The following CACNA1F variants were observed in gnomAD, a reference collection of about 807,000 sequenced individuals.
CACNA1F encodes voltage-dependent L-type calcium channel subunit alpha-1F.
Under a neutral mutation model 143.8 loss-of-function variants are expected in CACNA1F, and 59 were observed. The observed-to-expected ratio is 0.41, with a 90% CI of 0.33 to 0.51. CACNA1F has a LOEUF of 0.51. CACNA1F is among the 20% of genes least tolerant of loss of function. The pLI, the probability that CACNA1F is intolerant of heterozygous loss-of-function variation, is 0.22. For missense variants in CACNA1F, 1,411 were observed against 1,647.5 expected (o/e 0.86, Z 2.48); for synonymous variants, 643 against 649.1 (o/e 0.99, Z 0.14).
At chrX:49,210,101 C>A in intron 39 of CACNA1F, 59 bp from the exon 40 acceptor site, 1 of 879,866 alleles carries the variant, frequency 1.1e-6, no homozygotes, top group Non-Finnish European at 1.7e-6. Context: ...CAGCTGCCCC[C>A]TCACTGTTGG....
intron 1 of CACNA1F, among the ~76,000 whole-genome samples, chrX:49,232,738 T>C (rs1557111600): frequency 9.0e-6 from 1 of 110,830 alleles, no homozygotes; most frequent in Non-Finnish European, 1.9e-5. Context: ...GAATGGGGAG[T>C]CACACTCAGT....
chrX:49,220,964 A>G, intron 18 of CACNA1F, 71 bp downstream of exon 18: 1 of 887,880 alleles, frequency 1.1e-6, no homozygotes, highest in South Asian at 2.0e-5. Context: ...CAACAAAAAA[A>G]CAGATATGCA....
chrX:49,213,944 C>T lies in CACNA1F; in HGVS notation c.3709-42G>A, dbSNP rs191769906. On this transcript the variant is annotated intron_variant, in intron 30 of 47. Coordinates refer to ENST00000323022, the MANE Select transcript of CACNA1F (RefSeq NM_001256789.3). The stretch of plus-strand genomic sequence containing the variant: ...AGCAGTGCCCTGTCTTCTCAAAGCT[C>T]GCAAGCCAGGGTAGGGGGCCAGTAG... 21 of 1,023,141 alleles carry T rather than the reference C, an allele frequency of 2.1e-5. No individual in the cohort carries two copies. The Admixed American group carries it at 2.6e-4, about 13-fold the overall frequency. The allele number at this position is 1,023,141 out of a possible 1,213,427, so 84.3% of individuals were successfully genotyped here. A position where few individuals can be genotyped will look rare whatever the true frequency, so the allele number is the denominator to read the frequency against.
Position 49,226,032 on chromosome X carries a change from G to A in CACNA1F, c.1528C>T (p.Arg510Cys), listed in dbSNP as rs139331137. ...LRRANRVLRA[R>C]CRRAVKSNAC... Reference sequence around the variant, plus strand: ...TTGGACTTCACTGCCCGACGGCAGCGTGCCCGAAGGACCCGGTTGGCTCGG... The same window carrying A: ...TTGGACTTCACTGCCCGACGGCAGCATGCCCGAAGGACCCGGTTGGCTCGG... The change falls in exon 13 of 48, where the codon CGC becomes TGC. Residue 510 changes from arginine to cysteine, a missense_variant. By Grantham distance (180) the Arg-to-Cys change is radical. Around this residue, in one of 3 missense-constraint regions of CACNA1F, gnomAD observed 950 missense variants for 1,128.1 expected, o/e 0.84. Coordinates refer to ENST00000323022, the MANE Select transcript of CACNA1F (RefSeq NM_001256789.3). The A allele has an allele frequency of 1.5e-4, 174 of 1,188,081 alleles. 1 individual carries two copies. In the South Asian group the frequency reaches 2.6e-3, roughly 18 times the overall value.
chrX:49,225,725 C>T (rs1395874515), intron 13 of CACNA1F, among the ~76,000 whole-genome samples, 184 bp downstream of exon 13: 1 of 111,609 alleles, frequency 9.0e-6, no homozygotes, highest in Non-Finnish European at 1.9e-5. Flanking sequence ...GCTTGAGGCA[C>T]ACAGCAAGTG....
intron 33 of CACNA1F, 115 bp from the exon 34 acceptor site, chrX:49,212,423 C>A (rs782783891): frequency 3.1e-6 from 2 of 655,385 alleles, no homozygotes; most frequent in African/African-American, 2.2e-5. Flanking sequence ...TGCAGTCCAT[C>A]TCCAAAGTGC....
At chrX:49,228,217 A>T (rs1557110456) in intron 7 of CACNA1F, 34 bp downstream of exon 7, 1 of 1,190,749 alleles carries the variant, frequency 8.4e-7, no homozygotes, top group Non-Finnish European at 1.1e-6. Context: ...AGGCAGGTGC[A>T]GCCTTTGAGC....
chrX:49,213,640 G>C (rs1557106734), intron 31 of CACNA1F, among the ~76,000 whole-genome samples, 179 bp downstream of exon 31: 1 of 111,572 alleles, frequency 9.0e-6, no homozygotes, highest in South Asian at 3.7e-4. Flanking sequence ...CCAGTAGAGG[G>C]GGACTTTTGC....
In CACNA1F at chrX:49,206,757, C is replaced by A; in HGVS notation, c.5330G>T (p.Arg1777Leu). Residue 1777 changes from arginine (R) to leucine (L), a missense_variant, in exon 45 of 48, where the codon CGC becomes CTC. Arg to Leu is a moderately radical substitution (Grantham distance 102). Around this residue, in one of 3 missense-constraint regions of CACNA1F, gnomAD observed 349 missense variants for 350.2 expected, o/e 1.00. Coordinates refer to ENST00000323022, the MANE Select transcript of CACNA1F (RefSeq NM_001256789.3). Reference sequence around the variant, plus strand: ...AGGTGTGGGGGGCAGCAGACGGCGGCGTGGTACCAGGTGCCCATCCATGTA... The same window carrying A: ...AGGTGTGGGGGGCAGCAGACGGCGGAGTGGTACCAGGTGCCCATCCATGTA... ...QRYMDGHLVP[R>L]RRLLPPTPAG... 8.3e-7 allele frequency: 1 copy of A among 1,207,384 alleles called. No homozygotes were observed. Among genetic ancestry groups the A allele is most frequent in the South Asian group, 1.8e-5 (1 of 56,103 alleles).
intron 14 of CACNA1F, 143 bp downstream of exon 14, chrX:49,224,618 T>A (rs1557109420): frequency 1.9e-6 from 1 of 514,643 alleles, no homozygotes. Context: ...CCCTAGGGCT[T>A]GGTAGGGTGC....
Position 49,205,095 on chromosome X carries a change from G to C in CACNA1F, c.*42C>G. On this transcript the variant is annotated 3_prime_UTR_variant, in exon 48 of 48. Transcript: ENST00000323022. ...CATGCCTGCCTCCTGCTGGGGAGGG[G>C]AGGGCAGGAGGTTTATTGAGCAGTT... 1 of 980,967 alleles carries C rather than the reference G, an allele frequency of 1.0e-6. No homozygotes were observed. The highest frequency in any genetic ancestry group is 1.4e-6 in the Non-Finnish European group (1 of 689,780). 80.8% of individuals were successfully genotyped at this position (980,967 alleles called of 1,213,427 possible).
chrX:49,213,136 T>A, intron 31 of CACNA1F, 142 bp from the exon 32 acceptor site: 1 of 532,804 alleles, frequency 1.9e-6, no homozygotes, highest in East Asian at 3.6e-5. Context: ...AAAGTTTATA[T>A]GGTAGTGGAT....
In CACNA1F at chrX:49,230,998, G is replaced by T; in HGVS notation, c.382-9C>A. 1 of 1,171,930 alleles carries T rather than the reference G, an allele frequency of 8.5e-7. No homozygotes were observed. Among genetic ancestry groups the T allele is most frequent in the Non-Finnish European group, 1.2e-6 (1 of 861,875 alleles). ...ACGTACTCCACCTGCTCCTGGGGGT[G>T]GGACCGGGGGGCGGGTCGGGAAGTC... is the stretch of plus-strand genomic sequence containing the variant. On this transcript the variant is annotated splice_polypyrimidine_tract_variant and intron_variant, in intron 3 of 47. Transcript: ENST00000323022.
Position 49,213,834 on chromosome X carries a change from G to C in CACNA1F, c.3777C>G (p.Ala1259=), listed in dbSNP as rs782573904. ...LIVVGSIVDI[A]VTEVNNGGHL... ...CAGTTCTCACATTGACTTCAGTGAC[G>C]GCAATATCCACTATGCTGCCCACCA... Residue 1259 remains alanine, a synonymous_variant, in exon 31 of 48, where the codon GCC becomes GCG. Transcript: ENST00000323022. 2 of 1,196,272 alleles carry C rather than the reference G, an allele frequency of 1.7e-6. No individual in the cohort carries two copies. The highest frequency in any genetic ancestry group is 2.3e-6 in the Non-Finnish European group (2 of 881,344).
Position 49,205,592 on chromosome X carries a change from T to C in CACNA1F, c.5670+24A>G, listed in dbSNP as rs782618967. On this transcript the variant is annotated intron_variant, in intron 47 of 47. Coordinates refer to ENST00000323022, the MANE Select transcript of CACNA1F (RefSeq NM_001256789.3). ...TCCTCCCCTTCTCCCCCATCCGTCT[T>C]GTCTATATGCCCTCTGGACTCACAG... 5.9e-6 allele frequency: 7 copies of C among 1,188,938 alleles called. No individual in the cohort carries two copies. The South Asian group carries it at 1.1e-4, about 19-fold the overall frequency.
chrX:49,226,949 G>A lies in CACNA1F; in HGVS notation c.1276+21C>T, dbSNP rs1436373432. 11 of 1,210,221 alleles carry A rather than the reference G, an allele frequency of 9.1e-6. No individual in the cohort carries two copies. Among genetic ancestry groups the A allele is most frequent in the South Asian group, 5.3e-5 (3 of 56,841 alleles). Reference sequence around the variant, plus strand: ...TGGAGTTGCCTACGATGGCCCGCCCGGCCCTCTTCAGCCATAGAACCAAGG... The same window carrying A: ...TGGAGTTGCCTACGATGGCCCGCCCAGCCCTCTTCAGCCATAGAACCAAGG... On this transcript the variant is annotated intron_variant, in intron 9 of 47. Transcript: ENST00000323022.
Position 49,223,069 on chromosome X carries a change from G to A in CACNA1F, c.1945C>T (p.Leu649=). Reference sequence around the variant, plus strand: ...ATGATGAAGAGGAAGAGGAGAAGCAGCAAGGATGCGATGGATTTCATTGAA... The same window carrying A: ...ATGATGAAGAGGAAGAGGAGAAGCAACAAGGATGCGATGGATTTCATTGAA... ...LNSMKSIASL[L]LLLFLFIIIF... Residue 649 remains leucine, a synonymous_variant, in exon 15 of 48, where the codon CTG becomes TTG. Coordinates refer to ENST00000323022, the MANE Select transcript of CACNA1F (RefSeq NM_001256789.3). The A allele has an allele frequency of 8.3e-7, 1 of 1,201,579 alleles. No homozygotes were observed. The highest frequency in any genetic ancestry group is 1.1e-6 in the Non-Finnish European group (1 of 889,210).
chrX:49,218,102 G>T, intron 24 of CACNA1F, 97 bp from the exon 25 acceptor site: 1 of 604,447 alleles, frequency 1.7e-6, no homozygotes. Flanking sequence ...GACTTGGGCT[G>T]GGGACATGTG....
chrX:49,230,694 T>A, intron 4 of CACNA1F, 85 bp from the exon 5 acceptor site: 1 of 1,089,926 alleles, frequency 9.2e-7, no homozygotes. Flanking sequence ...AAAGCACAAG[T>A]CCCTGTAACT....
Sources: allele counts gnomAD v4.1 joint callset (sites outside exome capture counted in the v4.1 genomes callset), GRCh38; gene constraint gnomAD v4.1.1; regional missense constraint gnomAD v4.1.1; transcripts MANE v1.5; gene names NCBI Gene and HGNC (gene_info 2026-07-23, HGNC 2026-07-21).